Variants in CNTNAP2 observed in about 807,000 individuals in gnomAD.
The protein encoded by CNTNAP2 is contactin-associated protein-like 2.
CNTNAP2 carries 98 observed loss-of-function variants against 155.2 expected under a neutral mutation model. That is an observed-to-expected ratio of 0.63 (90% CI 0.54 to 0.75). CNTNAP2 has a LOEUF of 0.75. CNTNAP2 is among the 30% of genes least tolerant of loss of function. CNTNAP2 has a pLI of 0.00. For synonymous variants in CNTNAP2, 651 were observed against 631.2 expected, an observed-to-expected ratio of 1.03 and a Z score of -0.47; for missense variants, 1,727 against 1,688.1, an observed-to-expected ratio of 1.02 and a Z score of -0.40.
intron 3 of CNTNAP2, among the ~76,000 whole-genome samples, chr7:146,944,609 G>T (rs778585551): frequency 4.1e-4 from 63 of 152,040 alleles, no homozygotes; most frequent in Non-Finnish European, 8.5e-4. Flanking sequence ...CCAGGCGCGG[G>T]GGCTCACACC....
At chr7:147,952,374 A>G (rs35442552) in intron 14 of CNTNAP2, among the ~76,000 whole-genome samples, 67,023 of 146,330 alleles carry the variant, frequency 0.46, 16,815 homozygotes, top group Middle Eastern at 0.7. Flanking sequence ...CCCAGGAGGC[A>G]GAGGTTGTAG....
At chr7:146,652,979 A>G (rs1206623460) in intron 1 of CNTNAP2, among the ~76,000 whole-genome samples, 1 of 152,140 alleles carries the variant, frequency 6.6e-6, no homozygotes, top group Non-Finnish European at 1.5e-5. Flanking sequence ...CTTTTTAGTC[A>G]GCAGGGCTTA....
At chr7:147,748,718 A>T (rs1282292754) in intron 13 of CNTNAP2, among the ~76,000 whole-genome samples, 1 of 152,104 alleles carries the variant, frequency 6.6e-6, no homozygotes, top group African/African-American at 2.4e-5. Context: ...TCTACATCCA[A>T]AGGGCTCTGA....
intron 8 of CNTNAP2, among the ~76,000 whole-genome samples, chr7:147,206,264 A>AT (rs1335348883): frequency 2.6e-4 from 10 of 38,484 alleles, no homozygotes; most frequent in African/African-American, 6.3e-4. Flanking sequence ...AAACCTGTAT[A>AT]AAAAAAAAAA....
chr7:148,115,414 G>A (rs17548298), intron 15 of CNTNAP2, among the ~76,000 whole-genome samples: 6,650 of 152,190 alleles, frequency 0.044, 234 homozygotes, highest in Admixed American at 0.11. Context: ...AATTGCATTC[G>A]TATCCTGGGG....
At chr7:148,150,088 G>A (rs1462125262) in intron 17 of CNTNAP2, among the ~76,000 whole-genome samples, 2 of 130,264 alleles carry the variant, frequency 1.5e-5, no homozygotes, top group African/African-American at 2.9e-5. Flanking sequence ...CAGGTGAAGT[G>A]AGAGGGGTTG....
intron 8 of CNTNAP2, among the ~76,000 whole-genome samples, chr7:147,236,451 T>C (rs1803806898): frequency 6.6e-6 from 1 of 152,122 alleles, no homozygotes. Context: ...CTATCCTCCT[T>C]TAAACATTTC....
At chr7:147,380,376 A>G (rs988283278) in intron 9 of CNTNAP2, among the ~76,000 whole-genome samples, 4 of 152,138 alleles carry the variant, frequency 2.6e-5, no homozygotes, top group Admixed American at 6.6e-5. Context: ...ACATGAAGAC[A>G]TTTGTATAAC....
chr7:147,011,258 A>T (rs561073275), intron 3 of CNTNAP2, among the ~76,000 whole-genome samples: 5 of 151,862 alleles, frequency 3.3e-5, no homozygotes, highest in South Asian at 2.1e-4. Context: ...TACTAAAAAT[A>T]CAAAAATTAG....
At chr7:146,929,689 G>GA (rs1188935375) in intron 3 of CNTNAP2, among the ~76,000 whole-genome samples, 2 of 152,024 alleles carry the variant, frequency 1.3e-5, no homozygotes, top group African/African-American at 4.8e-5. Context: ...TAAAAACTTT[G>GA]AAAAAAATTT....
intron 13 of CNTNAP2, among the ~76,000 whole-genome samples, chr7:147,770,627 A>C (rs2116534809): frequency 6.6e-6 from 1 of 152,312 alleles, no homozygotes; most frequent in Admixed American, 6.5e-5. Context: ...AATGATATAA[A>C]AATATCAAGT....
intron 8 of CNTNAP2, among the ~76,000 whole-genome samples, chr7:147,241,146 A>C (rs1225733003): frequency 6.6e-6 from 1 of 152,210 alleles, no homozygotes; most frequent in Non-Finnish European, 1.5e-5. Flanking sequence ...TCAAGGTACA[A>C]GAATGAAGCA....
intron 21 of CNTNAP2, among the ~76,000 whole-genome samples, chr7:148,274,587 C>T (rs547010829): frequency 8.1e-4 from 123 of 152,256 alleles, no homozygotes; most frequent in African/African-American, 2.6e-3. Context: ...AGCACCTCCC[C>T]CCAACACTCT....
At chr7:146,438,512 GCTGAAAA>G (rs1446810468) in intron 1 of CNTNAP2, among the ~76,000 whole-genome samples, 3 of 151,334 alleles carry the variant, frequency 2.0e-5, no homozygotes, top group Non-Finnish European at 2.9e-5. Context: ...TTTATAATGA[GCTGAAAA>G]CTTGTGTTCA....
chr7:147,737,620 A>G (rs1458057226), intron 13 of CNTNAP2, among the ~76,000 whole-genome samples: 2 of 152,190 alleles, frequency 1.3e-5, no homozygotes, highest in East Asian at 1.9e-4. Flanking sequence ...CCAGAGGTGG[A>G]GTCTACAGAG....
At chr7:147,003,418 A>G (rs940834030) in intron 3 of CNTNAP2, among the ~76,000 whole-genome samples, 3 of 152,042 alleles carry the variant, frequency 2.0e-5, no homozygotes, top group African/African-American at 7.2e-5. Context: ...TACACTGATA[A>G]ATTTTGAATA....
intron 21 of CNTNAP2, among the ~76,000 whole-genome samples, chr7:148,312,000 G>A (rs920670678): frequency 2.7e-4 from 41 of 152,244 alleles, no homozygotes; most frequent in Admixed American, 5.2e-4. Context: ...TGAAGGAGCC[G>A]GGGAGCAGAA....
At chr7:147,360,706 A>T (rs1409138952) in intron 9 of CNTNAP2, among the ~76,000 whole-genome samples, 1 of 151,800 alleles carries the variant, frequency 6.6e-6, no homozygotes, top group African/African-American at 2.4e-5. Flanking sequence ...CATGACCCCT[A>T]TGTGTTCATG....
intron 1 of CNTNAP2, among the ~76,000 whole-genome samples, chr7:146,464,426 A>T (rs1433425535): frequency 6.6e-6 from 1 of 152,148 alleles, no homozygotes; most frequent in African/African-American, 2.4e-5. Flanking sequence ...TATTTCAGAG[A>T]ATAGAAGAAA....
Sources: allele counts gnomAD v4.1 joint callset (sites outside exome capture counted in the v4.1 genomes callset), GRCh38; gene constraint gnomAD v4.1.1; transcripts MANE v1.5; gene names NCBI Gene and HGNC (gene_info 2026-07-23, HGNC 2026-07-21).